Variants in PJVK observed in about 807,000 individuals in gnomAD.
PJVK encodes the protein autosomal recessive deafness type 59 protein.
PJVK carries 33 observed loss-of-function variants against 37.6 expected under a neutral mutation model. The observed-to-expected ratio is 0.88, with a 90% CI of 0.67 to 1.17. The LOEUF (loss-of-function observed/expected upper bound fraction) is 1.17, where lower values mean the gene tolerates loss of function less well. Among genes scored for constraint, PJVK ranks in the 50% most tolerant of loss-of-function variants. The pLI is 0.00. For missense variants in PJVK, 410 were observed against 413.8 expected, an observed-to-expected ratio of 0.99 and a Z score of 0.08; for synonymous variants, 141 against 143.5, an observed-to-expected ratio of 0.98 and a Z score of 0.13.
intron 1 of PJVK, chr2:178,452,716 C>T: frequency 1.2e-6 from 1 of 804,136 alleles, no homozygotes; most frequent in Non-Finnish European, 1.5e-6. Context: ...GTGTGCCCAA[C>T]TTCAGAGTAA....
intron 1 of PJVK, chr2:178,452,746 T>A (rs1428356704): frequency 2.3e-6 from 1 of 440,822 alleles, no homozygotes; most frequent in Non-Finnish European, 3.0e-6. Context: ...AGGTAATAGT[T>A]TATATAGTTA....
intron 1 of PJVK, chr2:178,453,122 T>G: frequency 2.6e-6 from 1 of 382,000 alleles, no homozygotes; most frequent in Non-Finnish European, 5.0e-6. Flanking sequence ...TTGGTCATAT[T>G]TTTACGTTAT....
rs139106719 is a variant in PJVK, at chr2:178,455,159, G to C, written c.407+632G>C. On this transcript the variant is annotated intron_variant, in intron 3 of 6. Transcript: ENST00000644580. ...CATTGAGGACGGCAAGGTGGTGACT[G>C]TGCATCTGGAGAAGATCAAGAAGAT... is the stretch of plus-strand genomic sequence containing the variant. 120 of 1,600,238 alleles carry C rather than the reference G, an allele frequency of 7.5e-5. No homozygotes were observed. The East Asian group carries it at 7.8e-4, about 10-fold the overall frequency.
At chr2:178,460,303 A>G (rs748335081) in intron 5 of PJVK, 45 bp from the exon 6 acceptor site, 2 of 1,458,362 alleles carry the variant, frequency 1.4e-6, no homozygotes, top group South Asian at 1.1e-5. Flanking sequence ...ACAATAAAAT[A>G]TGAATTATTC....
intron 3 of PJVK, 74 bp from the exon 4 acceptor site, chr2:178,455,936 G>A (rs1684042289): frequency 1.9e-6 from 3 of 1,544,626 alleles, no homozygotes; most frequent in South Asian, 2.3e-5. Context: ...AATAACACAT[G>A]ATAGCAAAAA....
chr2:178,455,332 G>A (rs936082734), intron 3 of PJVK: 73 of 1,279,702 alleles, frequency 5.7e-5, no homozygotes, highest in Non-Finnish European at 7.9e-5. Flanking sequence ...AGTCCATGGG[G>A]CTGCCAACCT....
intron 4 of PJVK, among the ~76,000 whole-genome samples, chr2:178,457,427 G>A (rs2154126152): frequency 6.6e-6 from 1 of 152,264 alleles, no homozygotes; most frequent in South Asian, 2.1e-4. Context: ...ACCAACTTGA[G>A]CAAAATAATG....
At chr2:178,455,042 C>T (rs576046542) in intron 3 of PJVK, 95 of 1,254,774 alleles carry the variant, frequency 7.6e-5, no homozygotes, top group East Asian at 1.9e-4. Flanking sequence ...TGGCATCCAA[C>T]GGCGGCACCT....
At position 178,461,582 on chromosome 2, in the gene PJVK, A is replaced by C. The variant is rs1026029662; in HGVS notation, c.*308A>C. On this transcript the variant is annotated 3_prime_UTR_variant, in exon 7 of 7. Coordinates refer to ENST00000644580, the MANE Select transcript of PJVK (RefSeq NM_001042702.5). The stretch of plus-strand genomic sequence containing the variant: ...GGGATGTAGTCTATCATTTTAGTTC[A>C]CCTTTTTTTTTTTTTTTTTTGAGAC... Among the ~76,000 whole-genome samples, 76 of 108,830 alleles carry C rather than the reference A, an allele frequency of 7.0e-4. No individual in the cohort carries two copies. The highest frequency in any genetic ancestry group is 1.3e-3 in the East Asian group (3 of 2,292). 71.4% of individuals were successfully genotyped at this position (108,830 alleles called of 152,430 possible).
chr2:178,455,104 C>T (rs142176513), intron 3 of PJVK: 365 of 1,591,860 alleles, frequency 2.3e-4, no homozygotes, highest in Middle Eastern at 1.8e-3. Flanking sequence ...AGCTCTACAA[C>T]GAAGTGAAGG....
chr2:178,454,624 T>A, intron 3 of PJVK, 97 bp downstream of exon 3: 2 of 1,454,696 alleles, frequency 1.4e-6, no homozygotes, highest in Non-Finnish European at 9.4e-7. Flanking sequence ...TGAGGTTGTA[T>A]TTTACTAGTG....
chr2:178,452,824 A>G (rs1463218190), intron 1 of PJVK: 3 of 170,566 alleles, frequency 1.8e-5, no homozygotes, highest in East Asian at 3.8e-4. Flanking sequence ...CTGTGAATTT[A>G]TATTTAATAT....
intron 4 of PJVK, 168 bp downstream of exon 4, chr2:178,456,319 A>G: frequency 1.2e-6 from 1 of 824,956 alleles, no homozygotes. Flanking sequence ...TATGAAAAAA[A>G]AAAACAAATC....
In PJVK at chr2:178,461,581, C is replaced by T. The variant is rs1291563814; in HGVS notation, c.*307C>T. Among the ~76,000 whole-genome samples the T allele has an allele frequency of 8.1e-6, 1 of 122,872 alleles. No homozygotes were observed. Among genetic ancestry groups the T allele is most frequent in the Non-Finnish European group, 1.6e-5 (1 of 60,888 alleles). The allele number at this position is 122,872 out of a possible 152,430, so 80.6% of individuals were successfully genotyped here. A position where few individuals can be genotyped will look rare whatever the true frequency, so the allele number is the denominator to read the frequency against. ...TGGGATGTAGTCTATCATTTTAGTT[C>T]ACCTTTTTTTTTTTTTTTTTTGAGA... On this transcript the variant is annotated 3_prime_UTR_variant, in exon 7 of 7. Transcript: ENST00000644580.
At position 178,461,804 on chromosome 2, in the gene PJVK, T is replaced by C. The variant is rs6718614; in HGVS notation, c.*530T>C. ...TTTACCATCTTGGCCAGGCTGATCT[T>C]GAACTCCTGACCTTGTGATCCACTT... On this transcript the variant is annotated 3_prime_UTR_variant, in exon 7 of 7. Transcript: ENST00000644580. Among the ~76,000 whole-genome samples, 1 of 152,216 alleles carries C rather than the reference T, an allele frequency of 6.6e-6. No homozygotes were observed. The highest frequency in any genetic ancestry group is 2.4e-5 in the African/African-American group (1 of 41,522).
At position 178,461,360 on chromosome 2, in the gene PJVK, A is replaced by G; in HGVS notation, c.*86A>G. On this transcript the variant is annotated 3_prime_UTR_variant, in exon 7 of 7. Transcript: ENST00000644580. ...AAATTATCTAGGTTTGCTTTGATGA[A>G]TTAAATTAAAATGAGAAAAGCAAAA... The G allele has an allele frequency of 6.7e-7, 1 of 1,498,422 alleles. No individual in the cohort carries two copies. Among genetic ancestry groups the G allele is most frequent in the South Asian group, 1.2e-5 (1 of 86,268 alleles). The allele number at this position is 1,498,422 out of a possible 1,614,324, so 92.8% of individuals were successfully genotyped here.
intron 3 of PJVK, chr2:178,454,995 T>C: frequency 9.9e-7 from 1 of 1,012,564 alleles, no homozygotes; most frequent in Admixed American, 1.7e-5. Context: ...GGTCCCTTTC[T>C]GTGTGGACTT....
At chr2:178,454,231 A>G in intron 2 of PJVK, 101 bp from the exon 3 acceptor site, 1 of 996,844 alleles carries the variant, frequency 1.0e-6, no homozygotes. Flanking sequence ...TTTCTCTAAC[A>G]TTTGGGTATT....
rs1000891945 is a variant in PJVK at position 178,462,076 on chromosome 2, A to G, written c.*802A>G. Reference sequence around the variant, plus strand: ...GCAATCTTAAATGTTTAATTGCAGTATCAAATTAAAAGCACACTGAACTCA... The same window carrying G: ...GCAATCTTAAATGTTTAATTGCAGTGTCAAATTAAAAGCACACTGAACTCA... On this transcript the variant is annotated 3_prime_UTR_variant, in exon 7 of 7. Coordinates refer to ENST00000644580, the MANE Select transcript of PJVK (RefSeq NM_001042702.5). Among the ~76,000 whole-genome samples the G allele has an allele frequency of 1.3e-5, 2 of 152,184 alleles. No individual in the cohort carries two copies. The highest frequency in any genetic ancestry group is 1.3e-4 in the Admixed American group (2 of 15,282).
Sources: gnomAD v4.1 joint callset for allele counts (sites outside exome capture counted in the v4.1 genomes callset) on GRCh38, gnomAD v4.1.1 for gene constraint, MANE v1.5 for transcripts, NCBI Gene and HGNC (gene_info 2026-07-23, HGNC 2026-07-21) for gene names.